Variants in ASIC2 observed in about 807,000 individuals in gnomAD.
The protein encoded by ASIC2 is acid-sensing ion channel 2.
ASIC2 carries 25 observed loss-of-function variants against 57.3 expected under a neutral mutation model. That is an observed-to-expected ratio of 0.44 (90% CI 0.32 to 0.61). ASIC2 has a LOEUF of 0.61. Ranked by LOEUF, ASIC2 falls within the 20% of genes least tolerant of loss-of-function variation. The pLI, the probability that ASIC2 is intolerant of heterozygous loss-of-function variation, is 0.06. For synonymous variants in ASIC2, 319 were observed against 307.5 expected (o/e 1.04, Z -0.39); for missense variants, 641 against 738.1 (o/e 0.87, Z 1.52).
chr17:33,037,116 G>A (rs546563227), intron 3 of ASIC2, among the ~76,000 whole-genome samples: 2 of 126,314 alleles, frequency 1.6e-5, no homozygotes, highest in East Asian at 4.4e-4. Context: ...AAAAAAATTA[G>A]CCAGGTGTGG....
At chr17:33,448,975 A>C (rs1912144325) in intron 1 of ASIC2, among the ~76,000 whole-genome samples, 1 of 152,224 alleles carries the variant, frequency 6.6e-6, no homozygotes, top group African/African-American at 2.4e-5. Context: ...CATGGTCTTG[A>C]AGAATTTACC....
intron 1 of ASIC2, among the ~76,000 whole-genome samples, chr17:34,064,991 A>T (rs1452241638): frequency 1.3e-5 from 2 of 152,220 alleles, no homozygotes; most frequent in Non-Finnish European, 2.9e-5. Flanking sequence ...AAGAACTAAA[A>T]GTAGAACTAC....
At chr17:33,586,733 T>C (rs916678050) in intron 1 of ASIC2, among the ~76,000 whole-genome samples, 2 of 152,230 alleles carry the variant, frequency 1.3e-5, no homozygotes, top group Admixed American at 1.3e-4. Flanking sequence ...ACCTGCCTTC[T>C]CTCCCAATCC....
chr17:33,282,968 C>T (rs1905017518), intron 1 of ASIC2, among the ~76,000 whole-genome samples: 1 of 152,202 alleles, frequency 6.6e-6, no homozygotes, highest in Non-Finnish European at 1.5e-5. Context: ...AATGTATTCA[C>T]AGATTCTAGG....
chr17:33,367,143 G>C (rs1430788518), intron 1 of ASIC2, among the ~76,000 whole-genome samples: 1 of 152,190 alleles, frequency 6.6e-6, no homozygotes, highest in Non-Finnish European at 1.5e-5. Flanking sequence ...GTTCCTTCCT[G>C]CTGGTGCTTC....
chr17:33,692,927 A>C (rs935716177), intron 1 of ASIC2, among the ~76,000 whole-genome samples: 1 of 152,192 alleles, frequency 6.6e-6, no homozygotes, highest in African/African-American at 2.4e-5. Context: ...ATGTATGTAT[A>C]TGTAAATCAA....
intron 1 of ASIC2, among the ~76,000 whole-genome samples, chr17:33,710,133 C>T (rs1011150191): frequency 6.6e-6 from 1 of 152,196 alleles, no homozygotes; most frequent in African/African-American, 2.4e-5. Flanking sequence ...ATGTCTGCAC[C>T]AATGTCCATC....
At chr17:34,145,038 T>G (rs994081503) in intron 1 of ASIC2, among the ~76,000 whole-genome samples, 4 of 152,144 alleles carry the variant, frequency 2.6e-5, no homozygotes, top group Admixed American at 2.0e-4. Context: ...CTCTCTAGGG[T>G]TGGCTCTAGC....
chr17:34,076,815 TATAGTC>T (rs1567811219), intron 1 of ASIC2, among the ~76,000 whole-genome samples: 1 of 152,134 alleles, frequency 6.6e-6, no homozygotes, highest in African/African-American at 2.4e-5. Context: ...AACCTTGTAT[TATAGTC>T]AGAGAGTGAG....
chr17:33,659,425 C>T (rs546631005), intron 1 of ASIC2, among the ~76,000 whole-genome samples: 41 of 152,218 alleles, frequency 2.7e-4, no homozygotes, highest in African/African-American at 9.9e-4. Context: ...ACCACACGCC[C>T]AGGCTATGTG....
intron 1 of ASIC2, among the ~76,000 whole-genome samples, chr17:33,128,881 C>G (rs1307456552): frequency 6.6e-6 from 1 of 152,290 alleles, no homozygotes; most frequent in East Asian, 1.9e-4. Flanking sequence ...TCCAGGGACA[C>G]AGTGAGTGTG....
At chr17:33,528,186 G>GTGTGTGTGTGT (rs1567640142) in intron 1 of ASIC2, among the ~76,000 whole-genome samples, 2 of 151,630 alleles carry the variant, frequency 1.3e-5, no homozygotes, top group Non-Finnish European at 2.9e-5. Flanking sequence ...GTGTGTGTGT[G>GTGTGTGTGTGT]GTTTCCAGCT....
At chr17:33,856,024 G>A (rs1913918216) in intron 1 of ASIC2, among the ~76,000 whole-genome samples, 1 of 152,156 alleles carries the variant, frequency 6.6e-6, no homozygotes, top group African/African-American at 2.4e-5. Flanking sequence ...AAGGGGGAGA[G>A]AGAAAGGGAG....
Position 33,470,791 on chromosome 17 carries a change from C to T in ASIC2, c.556-358724G>A, listed in dbSNP as rs1553495. On this transcript the variant is annotated intron_variant, in intron 1 of 9. Transcript: ENST00000359872. Reference sequence around the variant, plus strand: ...CCTGCCCATACAGGTGAAATAAGGACATGCCAGAGGAGTTCACAGCATTCA... The same window carrying T: ...CCTGCCCATACAGGTGAAATAAGGATATGCCAGAGGAGTTCACAGCATTCA... 4.3e-3 allele frequency among the ~76,000 whole-genome samples: 660 copies of T among 152,328 alleles called. 8 individuals carry two copies. The highest frequency in any genetic ancestry group is 0.015 in the African/African-American group (628 of 41,554).
chr17:34,062,054 A>G (rs1006943663), intron 1 of ASIC2, among the ~76,000 whole-genome samples: 7 of 152,210 alleles, frequency 4.6e-5, no homozygotes, highest in African/African-American at 1.7e-4. Flanking sequence ...ATTTCATCCA[A>G]CAACCATAGA....
chr17:33,971,441 G>T (rs1036672815), intron 1 of ASIC2, among the ~76,000 whole-genome samples: 13 of 152,136 alleles, frequency 8.5e-5, no homozygotes, highest in African/African-American at 3.1e-4. Context: ...ACACACAAAT[G>T]CATACACAAA....
In ASIC2 at chr17:33,715,571, T is replaced by C. The variant is rs1597847044; in HGVS notation, c.555+440407A>G. 2.6e-5 allele frequency among the ~76,000 whole-genome samples: 4 copies of C among 152,326 alleles called. No individual in the cohort carries two copies. In the East Asian group the frequency reaches 7.7e-4, roughly 29 times the overall value. ...ACTCACTAAATTTCTACTGTGGCATTGTAATGGCAGAACATCCTTAGATCT... is the reference window on the plus strand; with the variant it reads ...ACTCACTAAATTTCTACTGTGGCATCGTAATGGCAGAACATCCTTAGATCT... On this transcript the variant is annotated intron_variant, in intron 1 of 9. Transcript: ENST00000359872.
At chr17:33,240,047 T>C (rs1908443411) in intron 1 of ASIC2, among the ~76,000 whole-genome samples, 1 of 152,198 alleles carries the variant, frequency 6.6e-6, no homozygotes, top group Non-Finnish European at 1.5e-5. Flanking sequence ...TGGCACATAG[T>C]AGGTACACAG....
At chr17:33,618,185 A>C (rs1397714448) in intron 1 of ASIC2, among the ~76,000 whole-genome samples, 3 of 151,100 alleles carry the variant, frequency 2.0e-5, no homozygotes, top group Non-Finnish European at 4.4e-5. Flanking sequence ...TGTGATTCAT[A>C]CTAGTTATTC....
Sources: allele counts gnomAD v4.1 joint callset (sites outside exome capture counted in the v4.1 genomes callset), GRCh38; gene constraint gnomAD v4.1.1; transcripts MANE v1.5; gene names NCBI Gene and HGNC (gene_info 2026-07-23, HGNC 2026-07-21).